DOCK2: variants seen among roughly 807,000 people sequenced by gnomAD.
DOCK2 encodes the protein dedicator of cytokinesis protein 2.
DOCK2 carries 87 observed loss-of-function variants against 248.9 expected under a neutral mutation model. The ratio of observed to expected loss-of-function variants is 0.35; its 90% CI spans 0.29 to 0.42. DOCK2 has a LOEUF of 0.42. DOCK2 is among the 10% of genes least tolerant of loss of function. The probability of loss-of-function intolerance (pLI) is 1.00; values close to 1 mark genes in which losing one functional copy is unlikely to be tolerated. For synonymous variants in DOCK2, 805 were observed against 821.6 expected, an observed-to-expected ratio of 0.98 and a Z score of 0.35; for missense variants, 1,747 against 2,300.2, an observed-to-expected ratio of 0.76 and a Z score of 4.92.
chr5:169,732,531 C>T (rs768784131), intron 22 of DOCK2, among the ~76,000 whole-genome samples: 3 of 152,116 alleles, frequency 2.0e-5, no homozygotes, highest in African/African-American at 4.8e-5. Context: ...GTTAGCACAT[C>T]GGGAATCAAA....
intron 27 of DOCK2, among the ~76,000 whole-genome samples, chr5:169,958,705 A>G (rs1214813849): frequency 3.3e-5 from 5 of 152,130 alleles, no homozygotes; most frequent in Admixed American, 6.5e-5. Context: ...AGTATGTATT[A>G]AGGCCAGGAA....
intron 9 of DOCK2, 78 bp downstream of exon 9, chr5:169,689,411 C>A (rs1698467255): frequency 1.3e-6 from 2 of 1,493,876 alleles, no homozygotes; most frequent in Non-Finnish European, 1.9e-6. Context: ...TGGTCAGGAG[C>A]TCAGGGTGAA....
chr5:169,965,781 G>C (rs1431678011), intron 27 of DOCK2, among the ~76,000 whole-genome samples: 1 of 152,188 alleles, frequency 6.6e-6, no homozygotes, highest in Non-Finnish European at 1.5e-5. Context: ...TGATGTTACA[G>C]ATGAGGAAAC....
intron 27 of DOCK2, among the ~76,000 whole-genome samples, chr5:169,903,660 A>G (rs2113591512): frequency 6.6e-6 from 1 of 152,272 alleles, no homozygotes; most frequent in Non-Finnish European, 1.5e-5. Context: ...TGGAACTGAT[A>G]GAAGTTCAGA....
chr5:169,810,811 A>G (rs1767690949), intron 26 of DOCK2, among the ~76,000 whole-genome samples: 1 of 152,120 alleles, frequency 6.6e-6, no homozygotes, highest in Admixed American at 6.6e-5. Flanking sequence ...TCAGTCCAAA[A>G]CAATGGACTC....
chr5:169,743,718 C>T (rs1377499064), intron 22 of DOCK2, among the ~76,000 whole-genome samples: 1 of 151,624 alleles, frequency 6.6e-6, no homozygotes, highest in Non-Finnish European at 1.5e-5. Flanking sequence ...TTTTTCTTTC[C>T]TTTCTTCTTC....
At chr5:170,075,792 A>G (rs1216497092) in intron 46 of DOCK2, 155 bp from the exon 47 acceptor site, 3 of 954,804 alleles carry the variant, frequency 3.1e-6, no homozygotes, top group African/African-American at 1.6e-5. Context: ...CCCATTTCCC[A>G]TGGCTGGGGA....
chr5:169,778,057 G>A lies in DOCK2; in HGVS notation c.2554+16432G>A, dbSNP rs567119769. 1.6e-4 allele frequency among the ~76,000 whole-genome samples: 24 copies of A among 152,324 alleles called. 1 individual carries two copies. The South Asian group carries it at 4.8e-3, about 30-fold the overall frequency. ...AGCTAACTGTAACCTAGGGTTCAGG[G>A]TTTGAGTTACTCTGTGCAGCAGCAC... On this transcript the variant is annotated intron_variant, in intron 25 of 51. Coordinates refer to ENST00000520908, the MANE Select transcript of DOCK2 (RefSeq NM_004946.3).
intron 27 of DOCK2, among the ~76,000 whole-genome samples, chr5:169,870,622 C>CT (rs1264963442): frequency 1.3e-5 from 2 of 151,014 alleles, no homozygotes; most frequent in East Asian, 3.9e-4. Context: ...TATTATTATA[C>CT]TTTAAGTTTT....
intron 22 of DOCK2, among the ~76,000 whole-genome samples, chr5:169,719,267 T>G (rs1198581495): frequency 6.6e-6 from 1 of 152,284 alleles, no homozygotes; most frequent in East Asian, 1.9e-4. Context: ...TTAGAGTACC[T>G]TAGAAGATTT....
intron 26 of DOCK2, among the ~76,000 whole-genome samples, chr5:169,827,542 C>T (rs1768946497): frequency 6.6e-6 from 1 of 152,248 alleles, no homozygotes; most frequent in African/African-American, 2.4e-5. Flanking sequence ...TGCTCACCAG[C>T]TTGTTGGGGA....
chr5:169,820,355 C>T (rs981807352), intron 26 of DOCK2, among the ~76,000 whole-genome samples: 8 of 152,232 alleles, frequency 5.3e-5, no homozygotes, highest in Admixed American at 4.6e-4. Context: ...AGTAGCCTAA[C>T]TGGGAGGCAC....
intron 26 of DOCK2, among the ~76,000 whole-genome samples, chr5:169,835,259 G>GTTTTTTTTTTT (rs763950012): frequency 1.4e-5 from 2 of 138,610 alleles, no homozygotes; most frequent in Non-Finnish European, 1.5e-5. Context: ...TGAAATGCCT[G>GTTTTTTTTTTT]GTTTTTTTTT....
chr5:169,960,216 G>T (rs1777030340), intron 27 of DOCK2, among the ~76,000 whole-genome samples: 1 of 152,216 alleles, frequency 6.6e-6, no homozygotes, highest in South Asian at 2.1e-4. Context: ...AAATAATGTA[G>T]TTCCTACAGA....
intron 27 of DOCK2, among the ~76,000 whole-genome samples, chr5:169,958,285 C>A (rs537695715): frequency 3.2e-4 from 49 of 152,062 alleles, no homozygotes; most frequent in Non-Finnish European, 6.0e-4. Context: ...TAATAAGAAG[C>A]TTATGAATCT....
rs1411445672 is a variant in DOCK2, at chr5:169,698,374, T to G, written c.980T>G (p.Val327Gly). ...TTAATTCATTCTGTCTTCTTTCTAG[T>G]TATGGATATAACAGACATCATCAAG... is the stretch of plus-strand genomic sequence containing the variant. ...QGLRRPFGVA[V>G]MDITDIIKGK... Residue 327 changes from valine (V) to glycine (G), a missense_variant and splice_region_variant, in exon 11 of 52, where the codon GTT becomes GGT. Around this residue, in one of 4 missense-constraint regions of DOCK2, gnomAD observed 375 missense variants for 510.9 expected, o/e 0.73. Coordinates refer to ENST00000520908, the MANE Select transcript of DOCK2 (RefSeq NM_004946.3). 6.2e-7 allele frequency: 1 copy of G among 1,613,770 alleles called. No individual in the cohort carries two copies. Among genetic ancestry groups the G allele is most frequent in the African/African-American group, 1.3e-5 (1 of 74,940 alleles).
intron 27 of DOCK2, among the ~76,000 whole-genome samples, chr5:169,965,338 G>A (rs1224557981): frequency 6.6e-6 from 1 of 152,144 alleles, no homozygotes; most frequent in African/African-American, 2.4e-5. Flanking sequence ...TAATGCTGCT[G>A]GTCCACAGGC....
At chr5:170,050,811 T>C (rs1010317) in intron 41 of DOCK2, among the ~76,000 whole-genome samples, 72,220 of 151,962 alleles carry the variant, frequency 0.48, 18,443 homozygotes, top group African/African-American at 0.65. Context: ...CTCAATACAT[T>C]GTAAATGTTG....
At chr5:170,072,957 G>A (rs1435504139) in intron 46 of DOCK2, among the ~76,000 whole-genome samples, 1 of 151,936 alleles carries the variant, frequency 6.6e-6, no homozygotes, top group Non-Finnish European at 1.5e-5. Flanking sequence ...TCTTAGTCTG[G>A]CTTGTCTGTT....
Sources: allele counts gnomAD v4.1 joint callset (sites outside exome capture counted in the v4.1 genomes callset), GRCh38; gene constraint gnomAD v4.1.1; regional missense constraint gnomAD v4.1.1; transcripts MANE v1.5; gene names NCBI Gene and HGNC (gene_info 2026-07-23, HGNC 2026-07-21).